TMEM209: variants seen among roughly 807,000 people sequenced by gnomAD.
TMEM209 encodes transmembrane protein 209, also known as testicular tissue protein Li 202.
In TMEM209, 65 loss-of-function variants were observed where a neutral mutation model predicts 76.2. The ratio of observed to expected loss-of-function variants is 0.85; its 90% CI spans 0.70 to 1.05. TMEM209 has a LOEUF of 1.05. Ranked by LOEUF, TMEM209 falls within the 50% of genes least tolerant of loss-of-function variation. The pLI is 0.00. For missense variants in TMEM209, 623 were observed against 685.5 expected (o/e 0.91, Z 1.02); for synonymous variants, 239 against 237.6 (o/e 1.01, Z -0.06).
intron 9 of TMEM209, among the ~76,000 whole-genome samples, chr7:130,179,471 T>C (rs886181889): frequency 2.0e-5 from 3 of 152,192 alleles, no homozygotes; most frequent in African/African-American, 7.2e-5. Context: ...TTGCCCATTA[T>C]GCCAGGACAA....
intron 6 of TMEM209, among the ~76,000 whole-genome samples, chr7:130,191,450 G>A (rs1007266658): frequency 1.3e-5 from 2 of 151,990 alleles, no homozygotes; most frequent in Non-Finnish European, 2.9e-5. Flanking sequence ...ATCAAGAAGT[G>A]TGACAGTGAA....
intron 13 of TMEM209, among the ~76,000 whole-genome samples, chr7:130,172,497 C>T (rs58626326): frequency 0.24 from 35,781 of 151,882 alleles, 4,898 homozygotes; most frequent in East Asian, 0.57. Flanking sequence ...TGCATGCTGC[C>T]ATGCCCGGAT....
At chr7:130,180,861 G>T (rs1584675334) in intron 9 of TMEM209, among the ~76,000 whole-genome samples, 1 of 152,310 alleles carries the variant, frequency 6.6e-6, no homozygotes, top group African/African-American at 2.4e-5. Flanking sequence ...ACGCTGGTGG[G>T]AATGTAAAAT....
At chr7:130,193,023 C>T (rs770986546) in intron 5 of TMEM209, among the ~76,000 whole-genome samples, 200 bp from the exon 6 acceptor site, 3 of 152,184 alleles carry the variant, frequency 2.0e-5, no homozygotes, top group Non-Finnish European at 4.4e-5. Context: ...CACTTTGAAA[C>T]AGTCTGGCTG....
At chr7:130,204,997 G>T in intron 1 of TMEM209, 1 of 1,167,940 alleles carries the variant, frequency 8.6e-7, no homozygotes, top group South Asian at 2.3e-5. Flanking sequence ...GAGTAAGAGG[G>T]AGAGAGGGGA....
intron 1 of TMEM209, chr7:130,205,051 CCTTT>C: frequency 1.5e-6 from 2 of 1,309,618 alleles, no homozygotes; most frequent in Non-Finnish European, 2.0e-6. Flanking sequence ...TATAATTCCT[CCTTT>C]CTTCAGCTAG....
At chr7:130,171,846 AGTAAAACCCCC>A (rs1797077816) in intron 13 of TMEM209, among the ~76,000 whole-genome samples, 1 of 152,096 alleles carries the variant, frequency 6.6e-6, no homozygotes, top group Admixed American at 6.6e-5. Context: ...TGGCTAACAC[AGTAAAACCCCC>A]GTCTCTTACT....
At chr7:130,205,241 C>T (rs2117046655) in intron 1 of TMEM209, 132 bp downstream of exon 1, 1 of 1,601,628 alleles carries the variant, frequency 6.2e-7, no homozygotes, top group Non-Finnish European at 8.5e-7. Flanking sequence ...TCTTTCTTCC[C>T]TTCCCCTAGA....
At chr7:130,173,286 G>A (rs1225271003) in intron 13 of TMEM209, among the ~76,000 whole-genome samples, 3 of 152,016 alleles carry the variant, frequency 2.0e-5, no homozygotes, top group Admixed American at 6.6e-5. Context: ...AGGCTACAAT[G>A]AGCTATGATC....
intron 5 of TMEM209, among the ~76,000 whole-genome samples, chr7:130,199,272 G>A (rs961879594): frequency 4.0e-5 from 6 of 151,554 alleles, no homozygotes; most frequent in African/African-American, 1.2e-4. Flanking sequence ...AGGCTGGAGT[G>A]CAGCGAGCCA....
chr7:130,172,503 C>T (rs187373435), intron 13 of TMEM209, among the ~76,000 whole-genome samples: 5 of 151,972 alleles, frequency 3.3e-5, no homozygotes, highest in African/African-American at 7.2e-5. Context: ...CTGCCATGCC[C>T]GGATAATTTT....
At chr7:130,181,150 A>G (rs1290342958) in intron 9 of TMEM209, among the ~76,000 whole-genome samples, 1 of 152,260 alleles carries the variant, frequency 6.6e-6, no homozygotes, top group Non-Finnish European at 1.5e-5. Context: ...GTAATGATAA[A>G]TTCTACAACA....
At chr7:130,201,739 G>A (rs950743092) in intron 5 of TMEM209, 111 bp downstream of exon 5, 60 of 1,365,030 alleles carry the variant, frequency 4.4e-5, no homozygotes, top group Non-Finnish European at 5.3e-5. Context: ...GGGTGTTCTG[G>A]GCAAATCAAC....
intron 5 of TMEM209, among the ~76,000 whole-genome samples, chr7:130,198,386 G>A (rs1371138587): frequency 6.6e-6 from 1 of 152,068 alleles, no homozygotes; most frequent in African/African-American, 2.4e-5. Context: ...TGAGGTGGGC[G>A]GATCACTCGA....
At chr7:130,167,127 C>T (rs1796907647) in intron 14 of TMEM209, among the ~76,000 whole-genome samples, 1 of 151,930 alleles carries the variant, frequency 6.6e-6, no homozygotes, top group Non-Finnish European at 1.5e-5. Flanking sequence ...AGCTGTATAC[C>T]TCTATTATTT....
At chr7:130,181,584 A>G (rs1797414541) in intron 9 of TMEM209, 39 bp downstream of exon 9, 1 of 1,539,850 alleles carries the variant, frequency 6.5e-7, no homozygotes, top group Non-Finnish European at 8.9e-7. Context: ...TGGTAGATTT[A>G]CTAATAGAAA....
chr7:130,178,322 T>A, intron 10 of TMEM209, 80 bp downstream of exon 10: 2 of 1,366,578 alleles, frequency 1.5e-6, no homozygotes, highest in East Asian at 2.6e-5. Flanking sequence ...AATTAAAAGT[T>A]TTTCCTTGTT....
At chr7:130,171,893 C>T (rs562077155) in intron 13 of TMEM209, among the ~76,000 whole-genome samples, 2 of 152,076 alleles carry the variant, frequency 1.3e-5, no homozygotes, top group African/African-American at 4.8e-5. Flanking sequence ...ATTAGCCAAG[C>T]GTGGTGGCAC....
chr7:130,182,825 T>C (rs927887352), intron 8 of TMEM209, among the ~76,000 whole-genome samples: 1 of 152,172 alleles, frequency 6.6e-6, no homozygotes, highest in African/African-American at 2.4e-5. Context: ...TTGTAATCCA[T>C]GTAAGGAAGC....
Sources: gnomAD v4.1 joint callset for allele counts (sites outside exome capture counted in the v4.1 genomes callset) on GRCh38, gnomAD v4.1.1 for gene constraint, MANE v1.5 for transcripts, NCBI Gene and HGNC (gene_info 2026-07-23, HGNC 2026-07-21) for gene names.